Variants in CDS1 observed in about 807,000 individuals in gnomAD.
CDS1 encodes the protein phosphatidate cytidylyltransferase 1.
A neutral mutation model predicts 62.1 loss-of-function variants in CDS1; 41 were observed. The ratio of observed to expected loss-of-function variants is 0.66; its 90% CI spans 0.51 to 0.86. CDS1 has a LOEUF of 0.86. Ranked by LOEUF, CDS1 falls within the 40% of genes least tolerant of loss-of-function variation. The pLI is 0.00. For missense variants in CDS1, 470 were observed against 550.1 expected (o/e 0.85, Z 1.46); for synonymous variants, 185 against 192.6 (o/e 0.96, Z 0.32).
intron 8 of CDS1, among the ~76,000 whole-genome samples, chr4:84,636,088 G>A (rs1560481903): frequency 6.6e-6 from 1 of 151,956 alleles, no homozygotes. Context: ...CATTGGTGCA[G>A]TTCTTCTTTA....
At chr4:84,610,475 T>C (rs917739323) in intron 3 of CDS1, among the ~76,000 whole-genome samples, 1 of 152,182 alleles carries the variant, frequency 6.6e-6, no homozygotes, top group South Asian at 2.1e-4. Flanking sequence ...CAAACAAGTA[T>C]TTAAACCCTT....
chr4:84,587,974 A>G (rs1722469996), intron 1 of CDS1, among the ~76,000 whole-genome samples: 1 of 152,216 alleles, frequency 6.6e-6, no homozygotes, highest in South Asian at 2.1e-4. Flanking sequence ...AGGTTGCATC[A>G]ATGCAGATTT....
intron 1 of CDS1, among the ~76,000 whole-genome samples, chr4:84,600,328 A>G (rs1329488597): frequency 6.6e-6 from 1 of 152,184 alleles, no homozygotes; most frequent in Non-Finnish European, 1.5e-5. Flanking sequence ...TCATTCTCTT[A>G]GTATCTTTTG....
chr4:84,643,413 A>G (rs1724455594), intron 11 of CDS1, among the ~76,000 whole-genome samples: 1 of 152,168 alleles, frequency 6.6e-6, no homozygotes, highest in Non-Finnish European at 1.5e-5. Context: ...TAGACCCAGA[A>G]TCTTGGTCTT....
chr4:84,630,282 A>G (rs555026766), intron 5 of CDS1, among the ~76,000 whole-genome samples: 37 of 152,208 alleles, frequency 2.4e-4, no homozygotes, highest in African/African-American at 8.2e-4. Flanking sequence ...CTTTCTCTCA[A>G]TAAAGTGACA....
intron 3 of CDS1, among the ~76,000 whole-genome samples, chr4:84,616,669 A>T (rs1723504775): frequency 1.3e-5 from 2 of 152,322 alleles, no homozygotes; most frequent in Admixed American, 1.3e-4. Flanking sequence ...AGTCTGCTGT[A>T]TTCACAAAGA....
chr4:84,619,076 C>CACACA (rs1460615573), intron 4 of CDS1, among the ~76,000 whole-genome samples: 1 of 149,174 alleles, frequency 6.7e-6, no homozygotes, highest in Admixed American at 6.6e-5. Context: ...CACACACACA[C>CACACA]ACACACACAC....
In CDS1 at chr4:84,583,523, G is replaced by A. The variant is rs1402364681; in HGVS notation, c.117+5G>A. On this transcript the variant is annotated splice_donor_5th_base_variant and intron_variant, in intron 1 of 12. Transcript: ENST00000295887. ...ACCGAGAGCACCAGCGACAAAGTAA[G>A]TGGAGCCGAGAGAGGCGGACGCCGC... 6.7e-7 allele frequency: 1 copy of A among 1,497,176 alleles called. No homozygotes were observed. The highest frequency in any genetic ancestry group is 8.9e-7 in the Non-Finnish European group (1 of 1,117,730). 92.7% of individuals were successfully genotyped at this position (1,497,176 alleles called of 1,614,324 possible). A position where few individuals can be genotyped will look rare whatever the true frequency, so the allele number is the denominator to read the frequency against.
At chr4:84,592,705 G>A (rs915755294) in intron 1 of CDS1, among the ~76,000 whole-genome samples, 1 of 152,180 alleles carries the variant, frequency 6.6e-6, no homozygotes, top group East Asian at 1.9e-4. Flanking sequence ...CTTATCTATG[G>A]AAATTTATAG....
chr4:84,624,265 C>A (rs1392499810), intron 5 of CDS1, among the ~76,000 whole-genome samples: 1 of 139,984 alleles, frequency 7.1e-6, no homozygotes. Context: ...CAGAGCAAGA[C>A]TCTGTCTCAA....
At chr4:84,600,258 T>G (rs935940181) in intron 1 of CDS1, among the ~76,000 whole-genome samples, 2 of 152,228 alleles carry the variant, frequency 1.3e-5, no homozygotes, top group African/African-American at 4.8e-5. Flanking sequence ...GTATTCCAGA[T>G]TACAAGTCCT....
chr4:84,611,782 A>G (rs2110054642), intron 3 of CDS1, among the ~76,000 whole-genome samples: 1 of 152,324 alleles, frequency 6.6e-6, no homozygotes, highest in East Asian at 1.9e-4. Flanking sequence ...GTGAGAGCAG[A>G]GGAAGCGGAG....
intron 1 of CDS1, among the ~76,000 whole-genome samples, chr4:84,584,583 G>T (rs1291972469): frequency 6.6e-6 from 1 of 152,212 alleles, no homozygotes; most frequent in Non-Finnish European, 1.5e-5. Flanking sequence ...CTGGCTGGCA[G>T]TTCTGATTTG....
rs142463990 is a variant in CDS1, at chr4:84,619,786, A to T, written c.580+253A>T. Reference sequence around the variant, plus strand: ...GGTGGCTCACTCCTGTAATCCCAGCACTTTGGAAGGCTGAGGCAGGTGGAA... The same window carrying T: ...GGTGGCTCACTCCTGTAATCCCAGCTCTTTGGAAGGCTGAGGCAGGTGGAA... On this transcript the variant is annotated intron_variant, in intron 5 of 12. Coordinates refer to ENST00000295887, the MANE Select transcript of CDS1 (RefSeq NM_001263.4). 1.7e-3 allele frequency among the ~76,000 whole-genome samples: 260 copies of T among 152,184 alleles called. 3 individuals are homozygous for T. The highest frequency in any genetic ancestry group is 6.0e-3 in the African/African-American group (249 of 41,532).
At chr4:84,645,116 A>G in intron 11 of CDS1, 106 bp from the exon 12 acceptor site, 1 of 710,746 alleles carries the variant, frequency 1.4e-6, no homozygotes, top group Non-Finnish European at 2.5e-6. Context: ...TCCAATAGTA[A>G]TGTATTTTCG....
At chr4:84,589,179 A>G (rs1218785238) in intron 1 of CDS1, among the ~76,000 whole-genome samples, 1 of 152,184 alleles carries the variant, frequency 6.6e-6, no homozygotes, top group African/African-American at 2.4e-5. Flanking sequence ...TAAGGTTTGT[A>G]TCTTGCATAA....
intron 12 of CDS1, among the ~76,000 whole-genome samples, chr4:84,646,557 T>C (rs1724563852): frequency 6.6e-6 from 1 of 152,196 alleles, no homozygotes; most frequent in African/African-American, 2.4e-5. Flanking sequence ...AACACATGGG[T>C]TATTTAGAAG....
chr4:84,623,176 T>A (rs148595923), intron 5 of CDS1, among the ~76,000 whole-genome samples: 3 of 152,304 alleles, frequency 2.0e-5, no homozygotes, highest in African/African-American at 4.8e-5. Context: ...ACTGCTGAGC[T>A]GTCCTCATGA....
rs761364673 is a variant in CDS1, at chr4:84,645,353, G to A, written c.1256+28G>A. The A allele has an allele frequency of 3.7e-6, 5 of 1,345,126 alleles. No individual in the cohort carries two copies. In the East Asian group the frequency reaches 1.1e-4, roughly 31 times the overall value. The allele number at this position is 1,345,126 out of a possible 1,614,324, so 83.3% of individuals were successfully genotyped here. A position where few individuals can be genotyped will look rare whatever the true frequency, so the allele number is the denominator to read the frequency against. ...ACTTTTACACTTGAGACATTTTTTA[G>A]ATGATTTCTTTGAGTTCTCATTTCC... On this transcript the variant is annotated intron_variant, in intron 12 of 12. Transcript: ENST00000295887.
Sources: gnomAD v4.1 joint callset for allele counts (sites outside exome capture counted in the v4.1 genomes callset) on GRCh38, gnomAD v4.1.1 for gene constraint, MANE v1.5 for transcripts, NCBI Gene and HGNC (gene_info 2026-07-23, HGNC 2026-07-21) for gene names.